Variants in RBFOX1 observed in about 807,000 individuals in gnomAD.
The protein encoded by RBFOX1 is RNA binding fox-1 homolog 1.
RBFOX1 carries 8 observed loss-of-function variants against 57.7 expected under a neutral mutation model. The ratio of observed to expected loss-of-function variants is 0.14; its 90% CI spans 0.08 to 0.25. The LOEUF (loss-of-function observed/expected upper bound fraction) is 0.25, where lower values mean the gene tolerates loss of function less well. Ranked by LOEUF, RBFOX1 falls within the 10% of genes least tolerant of loss-of-function variation. The pLI, the probability that RBFOX1 is intolerant of heterozygous loss-of-function variation, is 1.00. For synonymous variants in RBFOX1, 326 were observed against 222.4 expected (o/e 1.47, Z -4.15); for missense variants, 611 against 548.5 (o/e 1.11, Z -1.14).
At chr16:7,414,680 C>T (rs774736369) in intron 4 of RBFOX1, among the ~76,000 whole-genome samples, 10 of 152,098 alleles carry the variant, frequency 6.6e-5, no homozygotes, top group African/African-American at 1.9e-4. Context: ...TGTGGTGATG[C>T]GATCTCAGTT....
chr16:6,081,501 A>G (rs923644801), intron 1 of RBFOX1, among the ~76,000 whole-genome samples: 9 of 152,042 alleles, frequency 5.9e-5, no homozygotes, highest in East Asian at 1.9e-4. Flanking sequence ...CCCCTTTTCA[A>G]TATTGTAGGG....
At chr16:6,523,598 G>A (rs1444316280) in intron 2 of RBFOX1, among the ~76,000 whole-genome samples, 1 of 152,138 alleles carries the variant, frequency 6.6e-6, no homozygotes, top group East Asian at 1.9e-4. Flanking sequence ...GAGTGCATCT[G>A]TCAAATCAGA....
At chr16:6,168,708 C>T (rs1266818368) in intron 1 of RBFOX1, among the ~76,000 whole-genome samples, 1 of 152,064 alleles carries the variant, frequency 6.6e-6, no homozygotes, top group East Asian at 1.9e-4. Flanking sequence ...GGGAAGGGGT[C>T]TTTTCTTTGC....
intron 1 of RBFOX1, among the ~76,000 whole-genome samples, chr16:5,351,964 C>A (rs886823688): frequency 1.3e-5 from 2 of 152,042 alleles, no homozygotes; most frequent in Non-Finnish European, 2.9e-5. Flanking sequence ...CCACCACGCT[C>A]GGCTAATTTT....
chr16:6,912,614 T>TGC (rs1364632234), intron 3 of RBFOX1, among the ~76,000 whole-genome samples: 28 of 114,320 alleles, frequency 2.4e-4, no homozygotes, highest in African/African-American at 8.6e-4. Context: ...TGTGTGTGTG[T>TGC]GTTATTACTA....
intron 3 of RBFOX1, among the ~76,000 whole-genome samples, chr16:5,845,077 T>TTC (rs1555544681): frequency 4.3e-4 from 64 of 150,442 alleles, no homozygotes; most frequent in Non-Finnish European, 8.2e-4. Flanking sequence ...TTTTTTTTTT[T>TTC]TTCTGTAACA....
intron 2 of RBFOX1, among the ~76,000 whole-genome samples, chr16:6,621,877 G>C (rs1334539083): frequency 6.6e-6 from 1 of 152,100 alleles, no homozygotes; most frequent in Non-Finnish European, 1.5e-5. Context: ...TTTGTGCTCA[G>C]TGTGTTAAGT....
Position 7,044,686 on chromosome 16 carries a change from A to G in RBFOX1, c.-15-7371A>G, listed in dbSNP as rs181692872. Among the ~76,000 whole-genome samples, 15 of 149,618 alleles carry G rather than the reference A, an allele frequency of 1.0e-4. No individual in the cohort carries two copies. The East Asian group carries it at 2.7e-3, about 26-fold the overall frequency. ...GCCATAAAATATATTGGTTTTGTGC[A>G]TTACTGCCATGGGAGAAAAAAAATA... On this transcript the variant is annotated intron_variant, in intron 3 of 15. Transcript: ENST00000550418.
chr16:7,189,705 T>A (rs1179349337), intron 4 of RBFOX1, among the ~76,000 whole-genome samples: 1 of 152,168 alleles, frequency 6.6e-6, no homozygotes, highest in Non-Finnish European at 1.5e-5. Flanking sequence ...GGTTATAAAT[T>A]ACTGATGGGG....
At chr16:5,509,199 G>A (rs2043490452) in intron 2 of RBFOX1, among the ~76,000 whole-genome samples, 1 of 152,228 alleles carries the variant, frequency 6.6e-6, no homozygotes, top group Non-Finnish European at 1.5e-5. Flanking sequence ...CATGCAGGGT[G>A]GTGCAAGAGC....
chr16:7,168,128 G>A (rs1382484), intron 4 of RBFOX1, among the ~76,000 whole-genome samples: 135,087 of 152,282 alleles, frequency 0.89, 59,978 homozygotes, highest in East Asian at 0.98. Flanking sequence ...ATGGTTTTCC[G>A]TCTGTTGAAT....
chr16:5,840,358 GA>G (rs746968397), intron 3 of RBFOX1, among the ~76,000 whole-genome samples: 16 of 152,188 alleles, frequency 1.1e-4, no homozygotes, highest in Non-Finnish European at 2.1e-4. Flanking sequence ...GCCACACCCA[GA>G]GAGGCCACCC....
intron 3 of RBFOX1, among the ~76,000 whole-genome samples, chr16:7,009,554 G>A (rs1325227473): frequency 6.6e-6 from 1 of 152,076 alleles, no homozygotes; most frequent in Admixed American, 6.6e-5. Flanking sequence ...TGCGATCAAT[G>A]ATAGGAATGA....
intron 3 of RBFOX1, among the ~76,000 whole-genome samples, chr16:5,674,627 AAG>A (rs2050112186): frequency 6.6e-6 from 1 of 152,214 alleles, no homozygotes; most frequent in African/African-American, 2.4e-5. Flanking sequence ...GTTAGTGCCA[AAG>A]TTATTGTGGG....
intron 4 of RBFOX1, among the ~76,000 whole-genome samples, chr16:7,418,030 G>T (rs913953150): frequency 2.0e-5 from 3 of 152,050 alleles, no homozygotes; most frequent in Non-Finnish European, 4.4e-5. Context: ...GTCCTCTATA[G>T]ATTTTCAGAT....
At chr16:5,940,387 C>T (rs1322409907) in intron 4 of RBFOX1, among the ~76,000 whole-genome samples, 1 of 152,160 alleles carries the variant, frequency 6.6e-6, no homozygotes, top group Non-Finnish European at 1.5e-5. Context: ...CTCATTTGAT[C>T]CTCCTATTAG....
At chr16:5,954,133 A>C (rs1219642089) in intron 4 of RBFOX1, among the ~76,000 whole-genome samples, 1 of 152,088 alleles carries the variant, frequency 6.6e-6, no homozygotes, top group Non-Finnish European at 1.5e-5. Context: ...AGTGGTGCTG[A>C]GGTTGAGAAC....
At position 6,814,939 on chromosome 16, in the gene RBFOX1, C is replaced by T. The variant is rs76113928; in HGVS notation, c.-16+160289C>T. Among the ~76,000 whole-genome samples, 219 of 152,200 alleles carry T rather than the reference C, an allele frequency of 1.4e-3. 5 individuals are homozygous for T. In the East Asian group the frequency reaches 0.037, roughly 25 times the overall value. ...TGAAAGCAAGTTTTTTAAGAAAATA[C>T]AGGAATAAAAGAATGGCTGTTCTAC... is the stretch of plus-strand genomic sequence containing the variant. On this transcript the variant is annotated intron_variant, in intron 3 of 15. Transcript: ENST00000550418.
intron 4 of RBFOX1, among the ~76,000 whole-genome samples, chr16:7,084,354 A>G (rs1173339263): frequency 1.3e-5 from 2 of 152,192 alleles, no homozygotes; most frequent in Admixed American, 6.5e-5. Context: ...AAAGAAAAAA[A>G]TGTGGATAGA....
Sources: allele counts gnomAD v4.1 joint callset (sites outside exome capture counted in the v4.1 genomes callset), GRCh38; gene constraint gnomAD v4.1.1; transcripts MANE v1.5; gene names NCBI Gene and HGNC (gene_info 2026-07-23, HGNC 2026-07-21).